XPO1: variants seen among roughly 807,000 people sequenced by gnomAD.
XPO1 encodes exportin-1.
In XPO1, 5 loss-of-function variants were observed where a neutral mutation model predicts 133.3. The observed-to-expected ratio is 0.04, with a 90% CI of 0.02 to 0.08. XPO1 has a LOEUF of 0.08. Among genes scored for constraint, XPO1 ranks in the 10% least tolerant of loss-of-function variants. The pLI, the probability that XPO1 is intolerant of heterozygous loss-of-function variation, is 1.00. For synonymous variants in XPO1, 419 were observed against 408.2 expected (o/e 1.03, Z -0.32); for missense variants, 506 against 1,267.5 (o/e 0.40, Z 9.12).
intron 3 of XPO1, 92 bp from the exon 4 acceptor site, chr2:61,522,775 C>T (rs1698754747): frequency 2.2e-6 from 2 of 902,112 alleles, no homozygotes; most frequent in African/African-American, 1.7e-5. Flanking sequence ...CACACATTTA[C>T]ATCTAAAGTT....
chr2:61,527,072 A>C (rs1698936650), intron 2 of XPO1, among the ~76,000 whole-genome samples: 1 of 152,174 alleles, frequency 6.6e-6, no homozygotes, highest in African/African-American at 2.4e-5. Flanking sequence ...TTGGGAGTAA[A>C]TCTGGTTTAT....
At chr2:61,523,028 A>G (rs1173265475) in intron 3 of XPO1, among the ~76,000 whole-genome samples, 1 of 152,264 alleles carries the variant, frequency 6.6e-6, no homozygotes, top group Non-Finnish European at 1.5e-5. Context: ...ATGACTGCTC[A>G]TAGGCTCACG....
At chr2:61,479,543 T>G (rs1015330729) in intron 24 of XPO1, among the ~76,000 whole-genome samples, 2 of 152,202 alleles carry the variant, frequency 1.3e-5, no homozygotes, top group Non-Finnish European at 2.9e-5. Flanking sequence ...CCGAAGTATC[T>G]CATGCATCCC....
chr2:61,507,943 T>C (rs760092331), intron 4 of XPO1, among the ~76,000 whole-genome samples: 6 of 152,214 alleles, frequency 3.9e-5, no homozygotes, highest in Non-Finnish European at 8.8e-5. Context: ...AAGTTGTGTG[T>C]CTTTGATAAG....
intron 4 of XPO1, among the ~76,000 whole-genome samples, chr2:61,513,104 G>C (rs1419240711): frequency 6.6e-6 from 1 of 152,122 alleles, no homozygotes; most frequent in Non-Finnish European, 1.5e-5. Context: ...GCCCAGGCTG[G>C]AGTGCAGTGG....
At chr2:61,515,653 C>T (rs943809732) in intron 4 of XPO1, among the ~76,000 whole-genome samples, 5 of 152,076 alleles carry the variant, frequency 3.3e-5, no homozygotes, top group African/African-American at 4.8e-5. Context: ...GCCAGTATTA[C>T]GGTGCCAATA....
intron 6 of XPO1, among the ~76,000 whole-genome samples, chr2:61,500,612 A>G (rs2104512798): frequency 1.4e-5 from 2 of 143,422 alleles, no homozygotes; most frequent in East Asian, 4.1e-4. Flanking sequence ...CAGCCTGGCC[A>G]ACATGGTGAA....
chr2:61,482,252 T>C, intron 23 of XPO1, 128 bp downstream of exon 23: 1 of 550,838 alleles, frequency 1.8e-6, no homozygotes, highest in South Asian at 3.5e-5. Flanking sequence ...TTTTGTTGTC[T>C]AGGTTGGTCT....
intron 4 of XPO1, among the ~76,000 whole-genome samples, chr2:61,517,993 G>A (rs1698478686): frequency 6.6e-6 from 1 of 152,072 alleles, no homozygotes. Context: ...AGCCAGGCAT[G>A]GTGGTGTGCA....
intron 4 of XPO1, among the ~76,000 whole-genome samples, chr2:61,520,929 G>A (rs1698661452): frequency 6.6e-6 from 1 of 152,096 alleles, no homozygotes; most frequent in Non-Finnish European, 1.5e-5. Context: ...TAAAACAATA[G>A]TAGTAAAGAA....
chr2:61,527,684 C>T (rs1050675039), intron 2 of XPO1, among the ~76,000 whole-genome samples: 1 of 152,122 alleles, frequency 6.6e-6, no homozygotes, highest in African/African-American at 2.4e-5. Flanking sequence ...GGGCTCCTAA[C>T]ATTTATTGTA....
At chr2:61,499,588 AACC>A in intron 7 of XPO1, 122 bp downstream of exon 7, 1 of 935,062 alleles carries the variant, frequency 1.1e-6, no homozygotes, top group South Asian at 2.0e-5. Context: ...TGCAGTTGAA[AACC>A]ACTACAAGCA....
intron 12 of XPO1, chr2:61,493,633 C>A (rs921149889): frequency 2.7e-6 from 1 of 370,556 alleles, no homozygotes; most frequent in African/African-American, 2.1e-5. Flanking sequence ...TTCCTAGACT[C>A]TGGTTTAGTA....
At chr2:61,511,913 C>G (rs1433674944) in intron 4 of XPO1, among the ~76,000 whole-genome samples, 1 of 151,960 alleles carries the variant, frequency 6.6e-6, no homozygotes, top group African/African-American at 2.4e-5. Context: ...ATTACAGGCA[C>G]ACGCCACCAT....
Position 61,492,293 on chromosome 2 carries a change from A to G in XPO1, c.1723+32T>C. On this transcript the variant is annotated intron_variant, in intron 15 of 24. Transcript: ENST00000401558. This position sits in a 1 kb window ranked among gnomAD's most constrained non-coding sequence, Gnocchi z 5.6. ...TTCATTTATTTTCTTCAATAAAAAT[A>G]AAAGCAAAATATAGTAAAGAAAGAG... is the stretch of plus-strand genomic sequence containing the variant. 6.3e-7 allele frequency: 1 copy of G among 1,582,274 alleles called. No homozygotes were observed.
rs1324399772 is a variant in XPO1, at chr2:61,486,723, A to G, written c.2314-761T>C. ...CCACCCAACTCAGACTAATGTTTTA[A>G]TCTAATGAATGCTAACTGGTGAGTA... On this transcript the variant is annotated intron_variant, in intron 19 of 24. Coordinates refer to ENST00000401558, the MANE Select transcript of XPO1 (RefSeq NM_003400.4). Among the ~76,000 whole-genome samples, 4 of 152,160 alleles carry G rather than the reference A, an allele frequency of 2.6e-5. No homozygotes were observed. The East Asian group carries it at 5.8e-4, about 22-fold the overall frequency.
At chr2:61,529,647 G>A (rs1310444683) in intron 2 of XPO1, among the ~76,000 whole-genome samples, 5 of 150,444 alleles carry the variant, frequency 3.3e-5, no homozygotes, top group African/African-American at 4.9e-5. Flanking sequence ...GGGCTACAGA[G>A]TGAGACTCTG....
intron 2 of XPO1, among the ~76,000 whole-genome samples, chr2:61,530,836 A>C (rs928727436): frequency 6.6e-6 from 1 of 152,134 alleles, no homozygotes; most frequent in Non-Finnish European, 1.5e-5. Flanking sequence ...AGTAGCAAAA[A>C]AAAAATTTTT....
intron 17 of XPO1, 121 bp from the exon 18 acceptor site, chr2:61,488,892 G>A: frequency 9.8e-7 from 1 of 1,022,880 alleles, no homozygotes; most frequent in Non-Finnish European, 1.4e-6. Context: ...ATGAGTTCAG[G>A]AGATCGGGAC....
Sources: allele counts gnomAD v4.1 joint callset (sites outside exome capture counted in the v4.1 genomes callset), GRCh38; gene constraint gnomAD v4.1.1; non-coding constraint Gnocchi (gnomAD v3.1); transcripts MANE v1.5; gene names NCBI Gene and HGNC (gene_info 2026-07-23, HGNC 2026-07-21).